The following TSHZ2 variants were observed in gnomAD, a reference collection of about 807,000 sequenced individuals.
TSHZ2 encodes teashirt zinc finger homeobox 2.
Under a neutral mutation model 74.4 loss-of-function variants are expected in TSHZ2, and 21 were observed. The ratio of observed to expected loss-of-function variants is 0.28; its 90% CI spans 0.20 to 0.41. TSHZ2 has a LOEUF of 0.41. Among genes scored for constraint, TSHZ2 ranks in the 10% least tolerant of loss-of-function variants. The pLI is 1.00. For missense variants in TSHZ2, 1,244 were observed against 1,293.5 expected (o/e 0.96, Z 0.59); for synonymous variants, 540 against 515.3 (o/e 1.05, Z -0.65).
intron 1 of TSHZ2, among the ~76,000 whole-genome samples, chr20:53,237,774 G>A (rs1348511968): frequency 6.6e-6 from 1 of 152,148 alleles, no homozygotes; most frequent in African/African-American, 2.4e-5. Flanking sequence ...ACGATTTAAA[G>A]CAGATTTTTG....
Position 53,254,245 on chromosome 20 carries a change from T to C in TSHZ2, c.787T>C (p.Phe263Leu), listed in dbSNP as rs765158720. The C allele has an allele frequency of 6.2e-7, 1 of 1,614,122 alleles. No homozygotes were observed. The highest frequency in any genetic ancestry group is 1.1e-5 in the South Asian group (1 of 91,078). Residue 263 changes from phenylalanine to leucine, a missense_variant, in exon 2 of 3, where the codon TTC becomes CTC. Phe to Leu is a conservative substitution (Grantham distance 22). Around this residue, in one of 6 missense-constraint regions of TSHZ2, gnomAD observed 470 missense variants for 456.5 expected, o/e 1.03. Coordinates refer to ENST00000371497, the MANE Select transcript of TSHZ2 (RefSeq NM_173485.6). Reference sequence around the variant, plus strand: ...CTATTCAAAGCCCAGGAAAAGGGCTTTCCAGGATATGGACAAAGAGGATGC... The same window carrying C: ...CTATTCAAAGCCCAGGAAAAGGGCTCTCCAGGATATGGACAAAGAGGATGC... ...TSYSKPRKRA[F>L]QDMDKEDAQK... is the part of the protein sequence containing the mutation.
At chr20:53,273,567 G>A (rs1025893967) in intron 2 of TSHZ2, among the ~76,000 whole-genome samples, 1 of 152,198 alleles carries the variant, frequency 6.6e-6, no homozygotes, top group Non-Finnish European at 1.5e-5. Flanking sequence ...GGGATTATAG[G>A]AATGAGCCAC....
chr20:53,032,108 C>T (rs1376540525), intron 1 of TSHZ2, among the ~76,000 whole-genome samples: 4 of 152,206 alleles, frequency 2.6e-5, no homozygotes, highest in Admixed American at 6.5e-5. Flanking sequence ...CTGCTGCAAT[C>T]TATTCATTCT....
At chr20:53,117,039 G>A (rs747656173) in intron 1 of TSHZ2, among the ~76,000 whole-genome samples, 9 of 152,164 alleles carry the variant, frequency 5.9e-5, no homozygotes, top group Middle Eastern at 3.4e-3. Context: ...AAAAGGGAGA[G>A]AAAGAGAGAG....
intron 1 of TSHZ2, among the ~76,000 whole-genome samples, chr20:53,186,840 A>G (rs796266748): frequency 2.6e-4 from 40 of 152,068 alleles, no homozygotes; most frequent in African/African-American, 9.2e-4. Flanking sequence ...CTTCTTTGCA[A>G]TCTAAACATG....
intron 1 of TSHZ2, among the ~76,000 whole-genome samples, chr20:53,200,611 C>A (rs1013845153): frequency 6.6e-6 from 1 of 152,172 alleles, no homozygotes; most frequent in Admixed American, 6.5e-5. Flanking sequence ...AGACTTCTTA[C>A]AGTCCTTCTT....
intron 1 of TSHZ2, among the ~76,000 whole-genome samples, chr20:52,974,929 G>A (rs1039720918): frequency 6.6e-6 from 1 of 152,162 alleles, no homozygotes; most frequent in Non-Finnish European, 1.5e-5. Flanking sequence ...AGTGAGGTAC[G>A]TATTTGGAAC....
intron 2 of TSHZ2, among the ~76,000 whole-genome samples, chr20:53,332,368 G>T (rs1979760090): frequency 6.6e-6 from 1 of 152,164 alleles, no homozygotes; most frequent in Admixed American, 6.5e-5. Flanking sequence ...CATGTTCAAA[G>T]GTCCTGGGGT....
chr20:53,162,985 C>G (rs1987977974), intron 1 of TSHZ2, among the ~76,000 whole-genome samples: 1 of 152,108 alleles, frequency 6.6e-6, no homozygotes. Flanking sequence ...AAAAAGTTTA[C>G]TATTAGAAAG....
At chr20:53,098,061 G>A (rs1353505122) in intron 1 of TSHZ2, 3 of 152,214 alleles carry the variant, frequency 2.0e-5, no homozygotes, top group Non-Finnish European at 2.9e-5. Context: ...TGATCAGTGA[G>A]AAGCTAAGTC....
chr20:53,419,293 G>A (rs751465418), intron 2 of TSHZ2, among the ~76,000 whole-genome samples: 2 of 152,140 alleles, frequency 1.3e-5, no homozygotes, highest in Non-Finnish European at 2.9e-5. Context: ...ACAGCCAGAC[G>A]TTGGGGAAGC....
chr20:53,249,748 A>G (rs1052749754), intron 1 of TSHZ2, among the ~76,000 whole-genome samples: 1 of 152,226 alleles, frequency 6.6e-6, no homozygotes, highest in African/African-American at 2.4e-5. Flanking sequence ...AGAGAGGGGC[A>G]GGGAGGTTGG....
chr20:53,166,131 G>T (rs1306012948), intron 1 of TSHZ2, among the ~76,000 whole-genome samples: 1 of 152,208 alleles, frequency 6.6e-6, no homozygotes. Context: ...TGAGGATATT[G>T]CTGGGAGCTT....
At chr20:53,466,679 T>C (rs780796743) in intron 2 of TSHZ2, among the ~76,000 whole-genome samples, 3 of 152,310 alleles carry the variant, frequency 2.0e-5, no homozygotes, top group African/African-American at 4.8e-5. Context: ...TATATGACAA[T>C]TGTCAAGTGT....
At chr20:53,258,874 T>A (rs892609238) in intron 2 of TSHZ2, among the ~76,000 whole-genome samples, 20 of 152,052 alleles carry the variant, frequency 1.3e-4, no homozygotes, top group African/African-American at 4.6e-4. Context: ...CAGGTTTGAG[T>A]GTTTGGGACT....
intron 1 of TSHZ2, among the ~76,000 whole-genome samples, chr20:53,048,195 G>C (rs551783188): frequency 6.6e-6 from 1 of 152,112 alleles, no homozygotes; most frequent in Non-Finnish European, 1.5e-5. Context: ...GGGTAGAGCC[G>C]ATCAAAGACA....
chr20:53,254,327 T>G lies in TSHZ2; in HGVS notation c.869T>G (p.Leu290Trp), dbSNP rs771232902. 6.2e-7 allele frequency: 1 copy of G among 1,614,162 alleles called. No individual in the cohort carries two copies. Among genetic ancestry groups the G allele is most frequent in the Non-Finnish European group, 8.5e-7 (1 of 1,180,022 alleles). ...GACTCCTTTGATTCCCTCCAAGATT[T>G]GAGCGTCCACATGATTAAAACAAAA... is the stretch of plus-strand genomic sequence containing the variant. Reference protein sequence around the residue: ...CGDSFDSLQDLSVHMIKTKHY... With the variant: ...CGDSFDSLQDWSVHMIKTKHY... The change falls in exon 2 of 3, where the codon TTG becomes TGG. Residue 290 changes from leucine (L) to tryptophan (W), a missense_variant. Physicochemically the swap from Leu to Trp is moderately conservative, Grantham distance 61. Coordinates refer to ENST00000371497, the MANE Select transcript of TSHZ2 (RefSeq NM_173485.6).
chr20:53,183,438 C>T (rs770900145), intron 1 of TSHZ2, among the ~76,000 whole-genome samples: 1 of 152,176 alleles, frequency 6.6e-6, no homozygotes, highest in Non-Finnish European at 1.5e-5. Context: ...TACAGTAACC[C>T]ACATGCAGAG....
intron 2 of TSHZ2, among the ~76,000 whole-genome samples, chr20:53,432,698 T>C (rs968645154): frequency 1.3e-5 from 2 of 152,216 alleles, no homozygotes; most frequent in Admixed American, 1.3e-4. Context: ...ATGCTCAACA[T>C]TGCTAATCAT....
Sources: allele counts gnomAD v4.1 joint callset (sites outside exome capture counted in the v4.1 genomes callset), GRCh38; gene constraint gnomAD v4.1.1; regional missense constraint gnomAD v4.1.1; transcripts MANE v1.5; gene names NCBI Gene and HGNC (gene_info 2026-07-23, HGNC 2026-07-21).